SPAG17: variants seen among roughly 807,000 people sequenced by gnomAD.
SPAG17 encodes the protein sperm-associated antigen 17.
A neutral mutation model predicts 273.6 loss-of-function variants in SPAG17; 169 were observed. The observed-to-expected ratio is 0.62, with a 90% confidence interval of 0.55 to 0.70. SPAG17 has a LOEUF of 0.70. SPAG17 is among the 30% of genes least tolerant of loss of function. SPAG17 has a pLI of 0.00. For synonymous variants in SPAG17, 825 were observed against 873.2 expected (o/e 0.94, Z 0.97); for missense variants, 2,557 against 2,627.8 (o/e 0.97, Z 0.59).
Position 118,117,823 on chromosome 1 carries a change from C to G in SPAG17, c.316-2382G>C, listed in dbSNP as rs148594390. Among the ~76,000 whole-genome samples the G allele has an allele frequency of 2.6e-5, 4 of 152,332 alleles. No homozygotes were observed. The East Asian group carries it at 5.8e-4, about 22-fold the overall frequency. Reference sequence around the variant, plus strand: ...ATACTTGGCCTCCCCCAGGGTTGCTCTGAAAAGGCTTGACTCTCTAAATGC... The same window carrying G: ...ATACTTGGCCTCCCCCAGGGTTGCTGTGAAAAGGCTTGACTCTCTAAATGC... On this transcript the variant is annotated intron_variant, in intron 3 of 48. Coordinates refer to ENST00000336338, the MANE Select transcript of SPAG17 (RefSeq NM_206996.4).
intron 3 of SPAG17, among the ~76,000 whole-genome samples, chr1:118,118,523 C>T (rs753386115): frequency 3.9e-5 from 6 of 152,088 alleles, no homozygotes; most frequent in African/African-American, 1.4e-4. Flanking sequence ...ATGTGCTTGG[C>T]GTGAATCAGG....
At chr1:118,118,770 A>G (rs1657248191) in intron 3 of SPAG17, among the ~76,000 whole-genome samples, 1 of 152,232 alleles carries the variant, frequency 6.6e-6, no homozygotes, top group African/African-American at 2.4e-5. Flanking sequence ...AGCCATGTTC[A>G]TGTTGTATTG....
At chr1:118,033,749 C>T (rs1156817498) in intron 24 of SPAG17, among the ~76,000 whole-genome samples, 1 of 152,178 alleles carries the variant, frequency 6.6e-6, no homozygotes, top group Non-Finnish European at 1.5e-5. Flanking sequence ...TGTGAAGATG[C>T]CATGTTTTGA....
At chr1:117,976,248 AT>A (rs1655122072) in intron 43 of SPAG17, among the ~76,000 whole-genome samples, 1 of 152,182 alleles carries the variant, frequency 6.6e-6, no homozygotes, top group Non-Finnish European at 1.5e-5. Flanking sequence ...GCAGTGGCTG[AT>A]TACCAGCTGA....
At chr1:118,049,110 G>C (rs535190201) in intron 20 of SPAG17, among the ~76,000 whole-genome samples, 1 of 152,158 alleles carries the variant, frequency 6.6e-6, no homozygotes, top group East Asian at 1.9e-4. Flanking sequence ...GAAAAGCCTA[G>C]GACCTGACGG....
chr1:118,000,449 C>A (rs1658150960), intron 32 of SPAG17, among the ~76,000 whole-genome samples: 1 of 152,142 alleles, frequency 6.6e-6, no homozygotes, highest in African/African-American at 2.4e-5. Context: ...TTCTTCCTAT[C>A]CATGAGCATG....
intron 15 of SPAG17, among the ~76,000 whole-genome samples, chr1:118,077,497 T>C (rs1654198822): frequency 6.6e-6 from 1 of 152,058 alleles, no homozygotes; most frequent in South Asian, 2.1e-4. Context: ...GACCACCAGG[T>C]GGCAAAAGTT....
chr1:118,102,568 T>C (rs747337027), intron 4 of SPAG17, among the ~76,000 whole-genome samples: 1 of 152,114 alleles, frequency 6.6e-6, no homozygotes, highest in African/African-American at 2.4e-5. Flanking sequence ...AAAGATGGGG[T>C]CAGAATAAAA....
rs1300453645 is a variant in SPAG17 at position 118,065,045 on chromosome 1, AAAATATTAGTAAGACTGGC to A, written c.2540+1681_2540+1699del. 5.9e-5 allele frequency among the ~76,000 whole-genome samples: 9 copies of A among 152,146 alleles called. No homozygotes were observed. In the South Asian group the frequency reaches 6.2e-4, roughly 10 times the overall value. ...TTAGAAAGCAAGAACAGATTTCTTA[AAAATATTAGTAAGACTGGC>A]AAACCTTTGGCAAGTTTGATCCAGA... On this transcript the variant is annotated intron_variant, in intron 18 of 48. Transcript: ENST00000336338.
intron 3 of SPAG17, among the ~76,000 whole-genome samples, chr1:118,143,500 A>G (rs529586405): frequency 6.6e-6 from 1 of 152,132 alleles, no homozygotes; most frequent in South Asian, 2.1e-4. Context: ...GGAGTTCAAG[A>G]CTTACCCAGG....
At chr1:118,123,486 G>A (rs966541541) in intron 3 of SPAG17, among the ~76,000 whole-genome samples, 2 of 152,088 alleles carry the variant, frequency 1.3e-5, no homozygotes, top group African/African-American at 2.4e-5. Flanking sequence ...AAATTTAAAG[G>A]TGACTGAAGA....
chr1:118,131,456 T>C (rs1658048134), intron 3 of SPAG17, among the ~76,000 whole-genome samples: 1 of 152,248 alleles, frequency 6.6e-6, no homozygotes, highest in South Asian at 2.1e-4. Context: ...TTTTGCTCTG[T>C]AGTTCTTATT....
At position 118,114,238 on chromosome 1, in the gene SPAG17, CTG is replaced by C. The variant is rs1656934249; in HGVS notation, c.447+1070_447+1071del. ...GGAAAGAGTTTCACTAGATGGAAAA[CTG>C]TACTATCAATTATGTTAATATGAAT... On this transcript the variant is annotated intron_variant, in intron 4 of 48. Coordinates refer to ENST00000336338, the MANE Select transcript of SPAG17 (RefSeq NM_206996.4). Among the ~76,000 whole-genome samples the C allele has an allele frequency of 2.6e-5, 4 of 152,184 alleles. No homozygotes were observed. The South Asian group carries it at 8.3e-4, about 32-fold the overall frequency.
intron 20 of SPAG17, among the ~76,000 whole-genome samples, chr1:118,042,411 A>T (rs1649876363): frequency 6.6e-6 from 1 of 152,158 alleles, no homozygotes; most frequent in African/African-American, 2.4e-5. Flanking sequence ...TCCTAAAGAT[A>T]GTTTATTAGC....
chr1:118,014,610 AGAG>A (rs1434402099), intron 29 of SPAG17, among the ~76,000 whole-genome samples: 1 of 152,236 alleles, frequency 6.6e-6, no homozygotes, highest in African/African-American at 2.4e-5. Flanking sequence ...AGTAGGCTGA[AGAG>A]GAAAAAATAT....
At chr1:117,976,177 C>A in intron 43 of SPAG17, among the ~76,000 whole-genome samples, 1 of 152,144 alleles carries the variant, frequency 6.6e-6, no homozygotes, top group East Asian at 1.9e-4. Context: ...GATGATTATT[C>A]CACTGAGCCT....
chr1:118,041,895 G>A lies in SPAG17; in HGVS notation c.2962C>T (p.Pro988Ser). 1.2e-6 allele frequency: 2 copies of A among 1,613,858 alleles called. No individual in the cohort carries two copies. The highest frequency in any genetic ancestry group is 1.7e-6 in the Non-Finnish European group (2 of 1,179,866). ...EDSRSLKKKS[P>S]YKEKSKEEQV... Reference sequence around the variant, plus strand: ...TCTTCTTTAGATTTCTCCTTGTAAGGTGATTTTTTCTTCAAAGACCTACTA... The same window carrying A: ...TCTTCTTTAGATTTCTCCTTGTAAGATGATTTTTTCTTCAAAGACCTACTA... The change falls in exon 21 of 49, where the codon CCT becomes TCT. Residue 988 changes from proline (P) to serine (S), a missense_variant. Physicochemically the swap from Pro to Ser is moderately conservative, Grantham distance 74. Transcript: ENST00000336338.
intron 46 of SPAG17, 69 bp downstream of exon 46, chr1:117,969,987 C>T (rs755593203): frequency 2.3e-4 from 336 of 1,432,182 alleles, no homozygotes; most frequent in Non-Finnish European, 3.0e-4. Context: ...AAGCCCACTT[C>T]ACTGGAAACC....
chr1:118,139,796 G>A (rs924078087), intron 3 of SPAG17, among the ~76,000 whole-genome samples: 1 of 151,878 alleles, frequency 6.6e-6, no homozygotes, highest in African/African-American at 2.4e-5. Flanking sequence ...ACTGGGGGGT[G>A]GGGGGAATGG....
Sources: allele counts gnomAD v4.1 joint callset (sites outside exome capture counted in the v4.1 genomes callset), GRCh38; gene constraint gnomAD v4.1.1; transcripts MANE v1.5; gene names NCBI Gene and HGNC (gene_info 2026-07-23, HGNC 2026-07-21).